SH3PXD2B: variants seen among roughly 807,000 people sequenced by gnomAD.
SH3PXD2B encodes SH3 and PX domain-containing protein 2B.
A neutral mutation model predicts 73.1 loss-of-function variants in SH3PXD2B; 37 were observed. The observed-to-expected ratio is 0.51, with a 90% CI of 0.39 to 0.67. The LOEUF is 0.67. Among genes scored for constraint, SH3PXD2B ranks in the 30% least tolerant of loss-of-function variants. The probability of loss-of-function intolerance (pLI) is 0.00; values close to 1 mark genes in which losing one functional copy is unlikely to be tolerated. For synonymous variants in SH3PXD2B, 457 were observed against 480.5 expected, an observed-to-expected ratio of 0.95 and a Z score of 0.64; for missense variants, 1,053 against 1,197.8, an observed-to-expected ratio of 0.88 and a Z score of 1.78.
In SH3PXD2B at chr5:172,338,419, G is replaced by C. The variant is rs759801249; in HGVS notation, c.2686C>G (p.Pro896Ala). 1 of 1,614,202 alleles carries C rather than the reference G, an allele frequency of 6.2e-7. No homozygotes were observed. The highest frequency in any genetic ancestry group is 8.5e-7 in the Non-Finnish European group (1 of 1,180,024). Residue 896 changes from proline (P) to alanine (A), a missense_variant, in exon 13 of 13, where the codon CCT becomes GCT. This residue lies in a region of SH3PXD2B where 587 missense variants were observed against 590.7 expected (regional missense o/e 0.99). Coordinates refer to ENST00000311601, the MANE Select transcript of SH3PXD2B (RefSeq NM_001017995.3). The surrounding 1 kb of genome is among the most constrained non-coding windows in gnomAD (Gnocchi z 5.1). ...WWFCQVLSGA[P>A]SWEGWIPSNY... ...GAAGGAATCCACCCTTCCCAGGAAG[G>C]GGCTCCGCTCAGGACCTGGCAGAAC...
chr5:172,338,826 CG>C lies in SH3PXD2B; in HGVS notation c.2278del (p.Arg760AlafsTer91). 6.2e-7 allele frequency: 1 copy of C among 1,613,918 alleles called. No individual in the cohort carries two copies. Among genetic ancestry groups the C allele is most frequent in the Non-Finnish European group, 8.5e-7 (1 of 1,179,892 alleles). ...APQQRPVVPPRRPPPPKKTSS... is the reference protein window; with the variant it reads ...APQQRPVVPPXRPPPPKKTSS... ...GGTTTTCTTTGGGGGAGGTGGTCTG[CG>C]GGGTGGGACCACAGGTCTCTGCTGG... On this transcript the variant is annotated frameshift_variant, in exon 13 of 13. Transcript: ENST00000311601. LOFTEE classifies it low-confidence loss of function (END_TRUNC). The surrounding 1 kb of genome is among the most constrained non-coding windows in gnomAD (Gnocchi z 5.1).
chr5:172,429,218 G>A (rs780236281), intron 1 of SH3PXD2B, among the ~76,000 whole-genome samples: 18 of 152,166 alleles, frequency 1.2e-4, no homozygotes, highest in Admixed American at 5.2e-4. Flanking sequence ...CAGGCCTTTG[G>A]TCTGTAGAAA....
In SH3PXD2B at chr5:172,333,684, A is replaced by C. The variant is rs1031948519; in HGVS notation, c.*4685T>G. ...AAACAAAAACCACCACCGGAATGCCAATTTGCCAAGAGGGTAGAGTAAGTG... is the reference window on the plus strand; with the variant it reads ...AAACAAAAACCACCACCGGAATGCCCATTTGCCAAGAGGGTAGAGTAAGTG... On this transcript the variant is annotated 3_prime_UTR_variant, in exon 13 of 13. Transcript: ENST00000311601. 7.8e-7 allele frequency: 1 copy of C among 1,289,332 alleles called. No individual in the cohort carries two copies. Among genetic ancestry groups the C allele is most frequent in the African/African-American group, 1.5e-5 (1 of 65,884 alleles). The allele number at this position is 1,289,332 out of a possible 1,614,324, so 79.9% of individuals were successfully genotyped here.
At chr5:172,444,310 C>T (rs1759612639) in intron 1 of SH3PXD2B, among the ~76,000 whole-genome samples, 1 of 152,192 alleles carries the variant, frequency 6.6e-6, no homozygotes, top group Admixed American at 6.5e-5. Flanking sequence ...TCCAGCTGCC[C>T]ACGTTCTTTC....
At chr5:172,348,667 C>CTATCTATCTATCTTATCTTATCT (rs1757069084) in intron 10 of SH3PXD2B, among the ~76,000 whole-genome samples, 1 of 26,278 alleles carries the variant, frequency 3.8e-5, no homozygotes, top group South Asian at 3.3e-3. Flanking sequence ...ATCTATCTAT[C>CTATCTATCTATCTTATCTTATCT]TATCTATCTA....
Position 172,353,648 on chromosome 5 carries a change from C to T in SH3PXD2B, c.785+240G>A, listed in dbSNP as rs1368542908. ...CCAGCCTTGCTTAATGGGGTTGCTG[C>T]TATCTGTGGTTCAGTGTGTTTGGAG... On this transcript the variant is annotated intron_variant, in intron 9 of 12. Transcript: ENST00000311601. The surrounding 1 kb of genome is among the most constrained non-coding windows in gnomAD (Gnocchi z 4.3). 2.0e-5 allele frequency among the ~76,000 whole-genome samples: 3 copies of T among 152,122 alleles called. No homozygotes were observed. Among genetic ancestry groups the T allele is most frequent in the Admixed American group, 2.0e-4 (3 of 15,278 alleles).
intron 3 of SH3PXD2B, 47 bp from the exon 4 acceptor site, chr5:172,394,686 A>G (rs776717797): frequency 5.0e-6 from 8 of 1,599,080 alleles, no homozygotes. Context: ...AACAGGGACA[A>G]GCTCTCAGCA....
At chr5:172,396,198 C>CAAAAAAA (rs571850981) in intron 3 of SH3PXD2B, among the ~76,000 whole-genome samples, 1 of 78,408 alleles carries the variant, frequency 1.3e-5, no homozygotes, top group Admixed American at 1.6e-4. Flanking sequence ...ACTAAAAATA[C>CAAAAAAA]AAAAAAAAAA....
At chr5:172,408,247 T>G (rs1376686970) in intron 2 of SH3PXD2B, among the ~76,000 whole-genome samples, 2 of 152,070 alleles carry the variant, frequency 1.3e-5, no homozygotes, top group Non-Finnish European at 2.9e-5. Context: ...TCACTGATTT[T>G]CTTTATTCTT....
chr5:172,430,888 A>G, intron 1 of SH3PXD2B, among the ~76,000 whole-genome samples: 1 of 151,036 alleles, frequency 6.6e-6, no homozygotes, highest in East Asian at 1.9e-4. Flanking sequence ...TTCTTTTGAG[A>G]TGGAGTCTCG....
chr5:172,352,306 C>T (rs1057240193), intron 9 of SH3PXD2B, among the ~76,000 whole-genome samples: 2 of 152,160 alleles, frequency 1.3e-5, no homozygotes, highest in Non-Finnish European at 2.9e-5. Context: ...CTCATCGCAG[C>T]CTCAAACTCT....
intron 8 of SH3PXD2B, among the ~76,000 whole-genome samples, chr5:172,355,266 C>G (rs938170176): frequency 6.6e-6 from 1 of 152,238 alleles, no homozygotes; most frequent in South Asian, 2.1e-4. Context: ...ATTTATTGAT[C>G]TAGCCTGCTG....
chr5:172,432,081 G>T (rs1438165446), intron 1 of SH3PXD2B, among the ~76,000 whole-genome samples: 1 of 152,196 alleles, frequency 6.6e-6, no homozygotes, highest in East Asian at 1.9e-4. Context: ...GCTGAGGCAG[G>T]AGAATCGCTT....
rs1758961153 is a variant in SH3PXD2B at position 172,421,456 on chromosome 5, A to ATC, written c.156+959_156+960insGA. Among the ~76,000 whole-genome samples the ATC allele has an allele frequency of 6.6e-6, 1 of 152,238 alleles. No homozygotes were observed. The highest frequency in any genetic ancestry group is 1.5e-5 in the Non-Finnish European group (1 of 68,044). The stretch of plus-strand genomic sequence containing the variant: ...ATATACTGTGTGTTAGGCCTTGAAT[A>ATC]AACTATTAAGGACAGACAGGAAGAG... On this transcript the variant is annotated intron_variant, in intron 2 of 12. Transcript: ENST00000311601. This position sits in a 1 kb window ranked among gnomAD's most constrained non-coding sequence, Gnocchi z 4.0.
intron 1 of SH3PXD2B, among the ~76,000 whole-genome samples, chr5:172,437,285 T>C (rs1759415044): frequency 6.6e-6 from 1 of 152,212 alleles, no homozygotes; most frequent in Admixed American, 6.5e-5. Flanking sequence ...GGTTCTGATC[T>C]GTTGACTGTC....
chr5:172,356,840 A>T (rs1274469833), intron 8 of SH3PXD2B: 1 of 152,730 alleles, frequency 6.5e-6, no homozygotes, highest in Non-Finnish European at 1.5e-5. Context: ...CACAATGTGT[A>T]CAGGCAAAGG....
At chr5:172,360,018 G>A (rs879745085) in intron 7 of SH3PXD2B, among the ~76,000 whole-genome samples, 14 of 152,274 alleles carry the variant, frequency 9.2e-5, no homozygotes, top group Non-Finnish European at 1.5e-4. Flanking sequence ...GATCCTATTC[G>A]GAACCTAAAG....
intron 8 of SH3PXD2B, 41 bp downstream of exon 8, chr5:172,358,732 C>T: frequency 6.4e-7 from 1 of 1,555,086 alleles, no homozygotes; most frequent in Admixed American, 1.8e-5. Flanking sequence ...GATGACTGCA[C>T]AGGTCCTCCC....
chr5:172,338,359 A>G lies in SH3PXD2B; in HGVS notation c.*10T>C, dbSNP rs771677522. 1.2e-5 allele frequency: 19 copies of G among 1,614,044 alleles called. No homozygotes were observed. Among genetic ancestry groups the G allele is most frequent in the Non-Finnish European group, 1.2e-5 (14 of 1,180,034 alleles). On this transcript the variant is annotated 3_prime_UTR_variant, in exon 13 of 13. Transcript: ENST00000311601. The surrounding 1 kb of genome is among the most constrained non-coding windows in gnomAD (Gnocchi z 5.1). ...GGACCAGCGGGCCCTCTAGGCAGAA[A>G]GGGAGTCGGCTACGGCTTCTTTCTG...
Sources: gnomAD v4.1 joint callset for allele counts (sites outside exome capture counted in the v4.1 genomes callset) on GRCh38, gnomAD v4.1.1 for gene constraint, gnomAD v4.1.1 regional missense constraint, Gnocchi (gnomAD v3.1) non-coding constraint, MANE v1.5 for transcripts, NCBI Gene and HGNC (gene_info 2026-07-23, HGNC 2026-07-21) for gene names.